The following RBFOX1 variants were observed in gnomAD, a reference collection of about 807,000 sequenced individuals.
RBFOX1 encodes the protein RNA binding protein fox-1 homolog 1.
In RBFOX1, 8 loss-of-function variants were observed where a neutral mutation model predicts 57.7. The observed-to-expected ratio is 0.14, with a 90% confidence interval of 0.08 to 0.25. The LOEUF is 0.25. Among genes scored for constraint, RBFOX1 ranks in the 10% least tolerant of loss-of-function variants. RBFOX1 has a pLI of 1.00. For missense variants in RBFOX1, 611 were observed against 548.5 expected, an observed-to-expected ratio of 1.11 and a Z score of -1.14; for synonymous variants, 326 against 222.4, an observed-to-expected ratio of 1.47 and a Z score of -4.15.
intron 3 of RBFOX1, among the ~76,000 whole-genome samples, chr16:6,831,675 G>A (rs865954276): frequency 6.6e-6 from 1 of 152,136 alleles, no homozygotes; most frequent in Non-Finnish European, 1.5e-5. Context: ...ATGATAACTT[G>A]CAACCAGTTC....
intron 4 of RBFOX1, among the ~76,000 whole-genome samples, chr16:7,169,613 C>T (rs929311185): frequency 6.6e-6 from 1 of 152,150 alleles, no homozygotes; most frequent in Non-Finnish European, 1.5e-5. Context: ...CATTATCAGT[C>T]CCATTTACCA....
intron 4 of RBFOX1, among the ~76,000 whole-genome samples, chr16:7,249,771 A>T (rs2153012462): frequency 1.3e-5 from 2 of 152,298 alleles, no homozygotes; most frequent in Admixed American, 1.3e-4. Flanking sequence ...GTGATGAGCA[A>T]CATTGTGTCT....
Position 5,631,890 on chromosome 16 carries a change from G to A in RBFOX1, c.318+32929G>A, listed in dbSNP as rs556309695. On this transcript the variant is annotated intron_variant, in intron 3 of 19. Coordinates refer to the RBFOX1 transcript ENST00000641259. ...GATCATTTTCTGGGATGGACACTGG[G>A]GTGTTCACTAGGGTCAGGTGAATGA... is the stretch of plus-strand genomic sequence containing the variant. 2.0e-3 allele frequency among the ~76,000 whole-genome samples: 304 copies of A among 152,284 alleles called. 2 individuals are homozygous for A. Among genetic ancestry groups the A allele is most frequent in the African/African-American group, 6.8e-3 (283 of 41,568 alleles).
intron 1 of RBFOX1, among the ~76,000 whole-genome samples, chr16:5,276,432 C>T (rs775096281): frequency 6.6e-5 from 10 of 152,192 alleles, no homozygotes; most frequent in Non-Finnish European, 1.3e-4. Flanking sequence ...AAATGCTCAA[C>T]ATCACTAATT....
chr16:7,469,085 C>T (rs778205621), intron 4 of RBFOX1, among the ~76,000 whole-genome samples: 14 of 152,094 alleles, frequency 9.2e-5, no homozygotes, highest in Admixed American at 5.9e-4. Context: ...AGGTGCCCAG[C>T]ACCATGCCCG....
intron 1 of RBFOX1, among the ~76,000 whole-genome samples, chr16:6,080,549 T>G (rs1284344697): frequency 6.6e-6 from 1 of 152,088 alleles, no homozygotes; most frequent in Non-Finnish European, 1.5e-5. Context: ...GAATGCATAA[T>G]TAAGATAGGG....
intron 4 of RBFOX1, among the ~76,000 whole-genome samples, chr16:7,365,394 G>C (rs866603795): frequency 5.9e-5 from 9 of 152,240 alleles, no homozygotes; most frequent in East Asian, 1.9e-4. Context: ...CATAGCCATA[G>C]CCAGGCAGGA....
intron 2 of RBFOX1, among the ~76,000 whole-genome samples, chr16:5,543,280 G>T (rs1458965846): frequency 6.6e-6 from 1 of 152,142 alleles, no homozygotes; most frequent in Non-Finnish European, 1.5e-5. Flanking sequence ...TATCAAAAAT[G>T]TTAGAATTAG....
intron 4 of RBFOX1, among the ~76,000 whole-genome samples, chr16:6,009,834 G>GTGTGTGTGTGTGTA (rs1567252487): frequency 3.9e-5 from 6 of 151,914 alleles, no homozygotes; most frequent in African/African-American, 1.5e-4. Flanking sequence ...GTGTGTGTGT[G>GTGTGTGTGTGTGTA]TATAGGGGGA....
intron 3 of RBFOX1, among the ~76,000 whole-genome samples, chr16:6,666,504 C>T (rs977720269): frequency 2.0e-5 from 3 of 147,300 alleles, no homozygotes; most frequent in Non-Finnish European, 4.4e-5. Context: ...CACACCACTG[C>T]ACTCCAGCCT....
intron 2 of RBFOX1, among the ~76,000 whole-genome samples, chr16:6,382,039 A>T (rs2091865612): frequency 6.6e-6 from 1 of 152,202 alleles, no homozygotes; most frequent in African/African-American, 2.4e-5. Flanking sequence ...TTGCTATTCA[A>T]CTGCCTTTGT....
In RBFOX1 at chr16:6,691,539, G is replaced by T. The variant is rs141699131; in HGVS notation, c.-16+36889G>T. Reference sequence around the variant, plus strand: ...AGTAAATGCGTTTCGCAGGTTTCCCGTTATCACATTACACGCGTTATATGT... The same window carrying T: ...AGTAAATGCGTTTCGCAGGTTTCCCTTTATCACATTACACGCGTTATATGT... On this transcript the variant is annotated intron_variant, in intron 3 of 15. Transcript: ENST00000550418. Among the ~76,000 whole-genome samples, 36 of 152,152 alleles carry T rather than the reference G, an allele frequency of 2.4e-4. No homozygotes were observed. In the East Asian group the frequency reaches 3.7e-3, roughly 16 times the overall value.
intron 4 of RBFOX1, among the ~76,000 whole-genome samples, chr16:7,481,384 T>A (rs374621119): frequency 1.6e-3 from 242 of 152,332 alleles, no homozygotes; most frequent in African/African-American, 5.4e-3. Context: ...ATATTAGATA[T>A]AAATTGCTGC....
At chr16:7,093,432 G>A (rs1242895788) in intron 4 of RBFOX1, among the ~76,000 whole-genome samples, 8 of 152,130 alleles carry the variant, frequency 5.3e-5, no homozygotes, top group African/African-American at 1.4e-4. Flanking sequence ...TTGACACTCT[G>A]ACATAGTCAC....
chr16:5,310,633 C>G (rs13330979), intron 1 of RBFOX1, among the ~76,000 whole-genome samples: 1 of 151,956 alleles, frequency 6.6e-6, no homozygotes, highest in South Asian at 2.1e-4. Flanking sequence ...GAATCGATTC[C>G]CAATTTATGA....
At chr16:6,437,157 A>G (rs530243552) in intron 2 of RBFOX1, among the ~76,000 whole-genome samples, 1 of 152,182 alleles carries the variant, frequency 6.6e-6, no homozygotes, top group Admixed American at 6.5e-5. Flanking sequence ...AAGAAGATCT[A>G]TCACCCACAG....
chr16:6,382,990 A>G (rs1201686203), intron 2 of RBFOX1, among the ~76,000 whole-genome samples: 1 of 152,226 alleles, frequency 6.6e-6, no homozygotes, highest in Non-Finnish European at 1.5e-5. Flanking sequence ...CAGCCAGCCC[A>G]GGGCTCAGCT....
At chr16:5,310,109 G>A (rs2064044533) in intron 1 of RBFOX1, among the ~76,000 whole-genome samples, 1 of 152,096 alleles carries the variant, frequency 6.6e-6, no homozygotes. Flanking sequence ...CCTGGCTTGG[G>A]CGGCTGAGTG....
intron 1 of RBFOX1, among the ~76,000 whole-genome samples, chr16:6,073,048 C>T (rs574563740): frequency 2.0e-5 from 3 of 152,152 alleles, no homozygotes; most frequent in South Asian, 4.1e-4. Context: ...ATATCTCAGA[C>T]ACATTTTGTG....
Sources: allele counts gnomAD v4.1 joint callset (sites outside exome capture counted in the v4.1 genomes callset), GRCh38; gene constraint gnomAD v4.1.1; transcripts MANE v1.5; gene names NCBI Gene and HGNC (gene_info 2026-07-23, HGNC 2026-07-21).